EXOC6B: variants seen among roughly 807,000 people sequenced by gnomAD.
The protein encoded by EXOC6B is exocyst complex component 6B.
A neutral mutation model predicts 113.5 loss-of-function variants in EXOC6B; 54 were observed. That is an observed-to-expected ratio of 0.48 (90% confidence interval 0.38 to 0.60). The LOEUF is 0.60. Ranked by LOEUF, EXOC6B falls within the 20% of genes least tolerant of loss-of-function variation. EXOC6B has a pLI of 0.00. For missense variants in EXOC6B, 797 were observed against 977.5 expected (o/e 0.82, Z 2.46); for synonymous variants, 357 against 339.0 (o/e 1.05, Z -0.58).
intron 1 of EXOC6B, among the ~76,000 whole-genome samples, chr2:72,787,732 T>C (rs1684455388): frequency 6.6e-6 from 1 of 152,160 alleles, no homozygotes; most frequent in African/African-American, 2.4e-5. Context: ...CTGCAGGTGA[T>C]CCTCTTACCT....
intron 1 of EXOC6B, among the ~76,000 whole-genome samples, chr2:72,770,230 A>C (rs1573768902): frequency 6.6e-6 from 1 of 152,236 alleles, no homozygotes. Flanking sequence ...AGTATGATAC[A>C]TAAAAATAGT....
At chr2:72,274,430 C>T (rs1360456318) in intron 20 of EXOC6B, among the ~76,000 whole-genome samples, 1 of 152,084 alleles carries the variant, frequency 6.6e-6, no homozygotes, top group Non-Finnish European at 1.5e-5. Flanking sequence ...AATGTCGAAC[C>T]TTAATCACCA....
chr2:72,602,224 A>G (rs1290998196), intron 6 of EXOC6B, among the ~76,000 whole-genome samples: 1 of 152,220 alleles, frequency 6.6e-6, no homozygotes, highest in African/African-American at 2.4e-5. Context: ...ATAAGAATTT[A>G]TAAGTAGCCA....
intron 2 of EXOC6B, among the ~76,000 whole-genome samples, chr2:72,740,314 G>A (rs1224808775): frequency 6.6e-6 from 1 of 151,922 alleles, no homozygotes; most frequent in East Asian, 1.9e-4. Flanking sequence ...AAGAAAAAAA[G>A]AATTAAAAGC....
chr2:72,651,045 T>C (rs1674133028), intron 6 of EXOC6B, among the ~76,000 whole-genome samples: 1 of 152,076 alleles, frequency 6.6e-6, no homozygotes, highest in Non-Finnish European at 1.5e-5. Context: ...CAAGTATTCA[T>C]AGAAAAAGTG....
chr2:72,230,102 G>C (rs926477419), intron 20 of EXOC6B, among the ~76,000 whole-genome samples: 5 of 152,040 alleles, frequency 3.3e-5, no homozygotes, highest in African/African-American at 1.2e-4. Flanking sequence ...AAAAAAAAAG[G>C]GTTCTGCAAC....
intron 17 of EXOC6B, among the ~76,000 whole-genome samples, chr2:72,468,125 C>T (rs1443298195): frequency 6.6e-6 from 1 of 151,966 alleles, no homozygotes; most frequent in Admixed American, 6.6e-5. Context: ...CTTTGCTGTG[C>T]AAAAGCTTTC....
intron 1 of EXOC6B, among the ~76,000 whole-genome samples, chr2:72,767,446 T>C (rs12052485): frequency 6.6e-6 from 1 of 151,786 alleles, no homozygotes; most frequent in East Asian, 1.9e-4. Flanking sequence ...TATATTATAA[T>C]ATATATTTCC....
intron 5 of EXOC6B, among the ~76,000 whole-genome samples, chr2:72,727,711 C>G (rs960296564): frequency 6.6e-6 from 1 of 152,072 alleles, no homozygotes; most frequent in Non-Finnish European, 1.5e-5. Flanking sequence ...GAAAAAGACA[C>G]CGTTATTTAT....
chr2:72,441,175 T>A (rs1696177317), intron 18 of EXOC6B, among the ~76,000 whole-genome samples: 1 of 152,110 alleles, frequency 6.6e-6, no homozygotes, highest in Non-Finnish European at 1.5e-5. Flanking sequence ...ATTTCTCTTA[T>A]TTCTATTCAA....
chr2:72,566,690 A>G (rs754037731), intron 7 of EXOC6B, among the ~76,000 whole-genome samples: 12 of 152,208 alleles, frequency 7.9e-5, no homozygotes, highest in Non-Finnish European at 1.5e-4. Context: ...GTACATGGTA[A>G]TGTCAGTTTT....
chr2:72,715,876 T>C (rs779748387), intron 6 of EXOC6B, among the ~76,000 whole-genome samples: 1 of 152,092 alleles, frequency 6.6e-6, no homozygotes, highest in African/African-American at 2.4e-5. Flanking sequence ...GATTTTGAAA[T>C]GGATGTAGTG....
chr2:72,553,817 T>C (rs1186029366), intron 8 of EXOC6B, among the ~76,000 whole-genome samples: 2 of 152,180 alleles, frequency 1.3e-5, no homozygotes, highest in East Asian at 3.8e-4. Context: ...TACTAACTTG[T>C]TATAATATGT....
intron 20 of EXOC6B, among the ~76,000 whole-genome samples, chr2:72,228,049 AG>A (rs1423094106): frequency 6.6e-6 from 1 of 152,148 alleles, no homozygotes; most frequent in African/African-American, 2.4e-5. Flanking sequence ...AAAGTAGAAA[AG>A]GCTGTTAAAG....
chr2:72,745,266 C>T (rs1417506027), intron 1 of EXOC6B, among the ~76,000 whole-genome samples: 1 of 152,022 alleles, frequency 6.6e-6, no homozygotes, highest in Non-Finnish European at 1.5e-5. Context: ...CCAGCCTGGT[C>T]AACATAGTGA....
chr2:72,738,839 G>A (rs1681127940), intron 2 of EXOC6B, among the ~76,000 whole-genome samples: 1 of 152,134 alleles, frequency 6.6e-6, no homozygotes, highest in Non-Finnish European at 1.5e-5. Context: ...GGCCAGACAT[G>A]GTGGTACACA....
intron 6 of EXOC6B, among the ~76,000 whole-genome samples, chr2:72,680,645 A>G (rs1676631111): frequency 6.6e-6 from 1 of 152,058 alleles, no homozygotes; most frequent in Non-Finnish European, 1.5e-5. Flanking sequence ...ATGCTGAGCC[A>G]GGAGAATCAC....
intron 6 of EXOC6B, among the ~76,000 whole-genome samples, chr2:72,666,033 A>G (rs1421716447): frequency 6.6e-6 from 1 of 152,188 alleles, no homozygotes; most frequent in Non-Finnish European, 1.5e-5. Context: ...AAGAGCAGGG[A>G]TTGCTATTTT....
At chr2:72,443,099 G>T (rs1034216845) in intron 18 of EXOC6B, among the ~76,000 whole-genome samples, 1 of 152,010 alleles carries the variant, frequency 6.6e-6, no homozygotes, top group South Asian at 2.1e-4. Flanking sequence ...GGCTGAGGTG[G>T]GTGGGTCACT....
Sources: gnomAD v4.1 joint callset for allele counts (sites outside exome capture counted in the v4.1 genomes callset) on GRCh38, gnomAD v4.1.1 for gene constraint, MANE v1.5 for transcripts, NCBI Gene and HGNC (gene_info 2026-07-23, HGNC 2026-07-21) for gene names.